Variants in KLHL29 observed in about 807,000 individuals in gnomAD.
The protein encoded by KLHL29 is kelch like family member 29.
A neutral mutation model predicts 80.4 loss-of-function variants in KLHL29; 21 were observed. The ratio of observed to expected loss-of-function variants is 0.26; its 90% CI spans 0.19 to 0.38. The LOEUF (loss-of-function observed/expected upper bound fraction) is 0.38, where lower values mean the gene tolerates loss of function less well. Among genes scored for constraint, KLHL29 ranks in the 10% least tolerant of loss-of-function variants. The pLI is 1.00. For missense variants in KLHL29, 867 were observed against 1,223.9 expected (o/e 0.71, Z 4.35); for synonymous variants, 511 against 526.8 (o/e 0.97, Z 0.41).
At chr2:23,595,838 G>A (rs1572425533) in intron 3 of KLHL29, among the ~76,000 whole-genome samples, 2 of 152,276 alleles carry the variant, frequency 1.3e-5, no homozygotes, top group South Asian at 4.1e-4. Flanking sequence ...CTCCCAGGGT[G>A]GCTGCTAGGC....
At chr2:23,693,549 C>G in intron 8 of KLHL29, 21 bp downstream of exon 8, 3 of 1,537,326 alleles carry the variant, frequency 2.0e-6, no homozygotes, top group Non-Finnish European at 2.6e-6. Flanking sequence ...CCCTGTCCCC[C>G]GCCCCTTCTC....
chr2:23,639,365 A>G (rs1669704553), intron 4 of KLHL29, 85 bp downstream of exon 4: 1 of 1,377,370 alleles, frequency 7.3e-7, no homozygotes, highest in African/African-American at 1.5e-5. Flanking sequence ...CAACTCCTGC[A>G]CAGCAGGTCT....
chr2:23,644,228 T>C (rs751113925), intron 5 of KLHL29: 2 of 151,996 alleles, frequency 1.3e-5, no homozygotes, highest in Non-Finnish European at 2.9e-5. Context: ...AATGACTAAA[T>C]TGATTTTTTC....
chr2:23,613,763 CAAAAAAAAAAA>C (rs1157736706), intron 3 of KLHL29, among the ~76,000 whole-genome samples: 3 of 63,724 alleles, frequency 4.7e-5, no homozygotes, highest in South Asian at 5.7e-4. Context: ...GACTCCATCT[CAAAAAAAAAAA>C]AAAAAAAAAA....
chr2:23,700,208 C>G lies in KLHL29; in HGVS notation c.2106-2978C>G, dbSNP rs1241343225. ...CATGTAAACACAATTAAACATTCCC[C>G]TTAAAAATTAAAACAAGACCTGTTT... On this transcript the variant is annotated intron_variant, in intron 11 of 13. Transcript: ENST00000486442. This position sits in a 1 kb window ranked among gnomAD's most constrained non-coding sequence, Gnocchi z 4.6. Among the ~76,000 whole-genome samples the G allele has an allele frequency of 6.6e-6, 1 of 152,198 alleles. No homozygotes were observed. The highest frequency in any genetic ancestry group is 1.5e-5 in the Non-Finnish European group (1 of 68,036).
At chr2:23,529,116 A>AT (rs1002568886) in intron 2 of KLHL29, among the ~76,000 whole-genome samples, 3 of 152,056 alleles carry the variant, frequency 2.0e-5, no homozygotes, top group African/African-American at 7.2e-5. Flanking sequence ...CTTTTTACTA[A>AT]TTTTTTTTAG....
intron 3 of KLHL29, among the ~76,000 whole-genome samples, chr2:23,629,360 G>A (rs1418564593): frequency 6.6e-6 from 1 of 151,818 alleles, no homozygotes; most frequent in Non-Finnish European, 1.5e-5. Flanking sequence ...AAAGACTTTC[G>A]TTTGTGATGG....
chr2:23,562,566 G>A lies in KLHL29; in HGVS notation c.285+85G>A. ...GCTCAGGCCAGCCCCACAGGCTCCT[G>A]TGGGGCAGCCTGTGCTCCACGCCCC... On this transcript the variant is annotated intron_variant, in intron 3 of 13. Transcript: ENST00000486442. This position sits in a 1 kb window ranked among gnomAD's most constrained non-coding sequence, Gnocchi z 4.5. The A allele has an allele frequency of 7.2e-7, 1 of 1,386,628 alleles. No individual in the cohort carries two copies. The highest frequency in any genetic ancestry group is 9.6e-7 in the Non-Finnish European group (1 of 1,036,284). 85.9% of individuals were successfully genotyped at this position (1,386,628 alleles called of 1,614,324 possible).
intron 2 of KLHL29, among the ~76,000 whole-genome samples, chr2:23,483,258 G>C (rs1864808): frequency 0.79 from 119,669 of 152,168 alleles, 47,215 homozygotes; most frequent in East Asian, 0.92. Flanking sequence ...GAAGAGGTGA[G>C]TTAAAGCTGG....
chr2:23,475,955 C>T (rs1228133856), intron 2 of KLHL29, among the ~76,000 whole-genome samples: 1 of 152,242 alleles, frequency 6.6e-6, no homozygotes, highest in Non-Finnish European at 1.5e-5. Flanking sequence ...TCTTGGCTCA[C>T]TGCAACCTCT....
intron 2 of KLHL29, among the ~76,000 whole-genome samples, chr2:23,512,987 G>T (rs1188969688): frequency 1.3e-5 from 2 of 152,252 alleles, no homozygotes; most frequent in African/African-American, 4.8e-5. Context: ...GCTGTGGGAT[G>T]TGGCTCAGGA....
At chr2:23,428,121 CA>C (rs1237607149) in intron 1 of KLHL29, among the ~76,000 whole-genome samples, 1 of 152,208 alleles carries the variant, frequency 6.6e-6, no homozygotes, top group Non-Finnish European at 1.5e-5. Context: ...AATGACAGAG[CA>C]CCTGCCGCAT....
intron 5 of KLHL29, among the ~76,000 whole-genome samples, chr2:23,666,406 C>T (rs1670554048): frequency 1.3e-5 from 2 of 152,184 alleles, no homozygotes; most frequent in African/African-American, 4.8e-5. Context: ...TGTGCCCAGC[C>T]TCGGCTTGGG....
chr2:23,581,950 A>G (rs770885497), intron 3 of KLHL29, among the ~76,000 whole-genome samples: 1 of 152,020 alleles, frequency 6.6e-6, no homozygotes, highest in Non-Finnish European at 1.5e-5. Context: ...CCACTCATCA[A>G]GTGGGTTGCT....
intron 2 of KLHL29, among the ~76,000 whole-genome samples, chr2:23,479,514 C>T (rs544334814): frequency 9.2e-5 from 14 of 152,206 alleles, no homozygotes; most frequent in South Asian, 2.1e-4. Context: ...CTGTTGGTGC[C>T]GCAGGCTTTC....
chr2:23,442,948 A>G (rs916288237), intron 1 of KLHL29, among the ~76,000 whole-genome samples: 1 of 152,108 alleles, frequency 6.6e-6, no homozygotes, highest in Admixed American at 6.5e-5. Flanking sequence ...TTCAAGGTGG[A>G]TGTTCCATTA....
At chr2:23,615,855 CCTTT>C (rs1158324218) in intron 3 of KLHL29, among the ~76,000 whole-genome samples, 5 of 152,206 alleles carry the variant, frequency 3.3e-5, no homozygotes, top group Non-Finnish European at 7.3e-5. Flanking sequence ...CGTCGCTGTT[CCTTT>C]CTCATCAGCA....
intron 2 of KLHL29, among the ~76,000 whole-genome samples, chr2:23,553,886 A>T (rs1352904439): frequency 1.3e-5 from 2 of 152,230 alleles, no homozygotes; most frequent in Non-Finnish European, 2.9e-5. Flanking sequence ...CAGAACTCAC[A>T]CAGGGAGTAG....
intron 2 of KLHL29, among the ~76,000 whole-genome samples, chr2:23,478,280 GGTGCTGGCT>G (rs1352206785): frequency 1.3e-5 from 2 of 152,146 alleles, no homozygotes; most frequent in African/African-American, 4.8e-5. Flanking sequence ...CATGCAGCCT[GGTGCTGGCT>G]GTGCCCTCCC....
Sources: gnomAD v4.1 joint callset for allele counts (sites outside exome capture counted in the v4.1 genomes callset) on GRCh38, gnomAD v4.1.1 for gene constraint, Gnocchi (gnomAD v3.1) non-coding constraint, MANE v1.5 for transcripts, NCBI Gene and HGNC (gene_info 2026-07-23, HGNC 2026-07-21) for gene names.